Variants in SPMIP2 observed in about 807,000 individuals in gnomAD.
The protein encoded by SPMIP2 is protein SPMIP2.
chr4:158,977,184 T>G, the SPMIP2 span, among the ~76,000 whole-genome samples: 1 of 152,202 alleles, frequency 6.6e-6, no homozygotes, highest in Non-Finnish European at 1.5e-5. Flanking sequence ...CAGCTCCACT[T>G]TGCACCCCCC....
At chr4:159,014,403 A>G in the SPMIP2 span, among the ~76,000 whole-genome samples, 1 of 152,166 alleles carries the variant, frequency 6.6e-6, no homozygotes, top group Non-Finnish European at 1.5e-5. Flanking sequence ...CAGTGAGCTG[A>G]GGTCGCACCA....
the SPMIP2 span, among the ~76,000 whole-genome samples, chr4:158,901,278 G>A: frequency 6.6e-5 from 10 of 152,032 alleles, no homozygotes; most frequent in South Asian, 6.2e-4. Context: ...GATTACAGGC[G>A]TGTGCCACGA....
chr4:158,978,456 G>C, the SPMIP2 span, among the ~76,000 whole-genome samples: 1 of 152,170 alleles, frequency 6.6e-6, no homozygotes, highest in Non-Finnish European at 1.5e-5. Flanking sequence ...CTGAATTCAA[G>C]TCCTGCATAT....
chr4:159,035,059 GTAGTAGATGTTGGCTTTTGGT>G, the SPMIP2 span: 8 of 1,613,162 alleles, frequency 5.0e-6, no homozygotes, highest in Non-Finnish European at 6.8e-6. Flanking sequence ...TTTTCCCACA[GTAGTAGATGTTGGCTTTTGGT>G]ATGATACAGA....
the SPMIP2 span, among the ~76,000 whole-genome samples, chr4:159,003,294 G>A: frequency 6.6e-6 from 1 of 152,058 alleles, no homozygotes; most frequent in Admixed American, 6.6e-5. Context: ...TTTCATAATA[G>A]GCTCATAACC....
chr4:158,971,884 G>C, the SPMIP2 span, among the ~76,000 whole-genome samples: 1 of 152,154 alleles, frequency 6.6e-6, no homozygotes, highest in Non-Finnish European at 1.5e-5. Flanking sequence ...GCAGAACTAG[G>C]ATAGAAATTT....
At chr4:158,977,385 G>A in the SPMIP2 span, among the ~76,000 whole-genome samples, 1 of 152,150 alleles carries the variant, frequency 6.6e-6, no homozygotes, top group Non-Finnish European at 1.5e-5. Flanking sequence ...TTGCATAGAG[G>A]TGTTTACAGT....
At chr4:158,950,207 A>G in the SPMIP2 span, among the ~76,000 whole-genome samples, 10 of 152,248 alleles carry the variant, frequency 6.6e-5, no homozygotes, top group Admixed American at 1.3e-4. Context: ...GAGGCATGTC[A>G]TCATTTCTTT....
chr4:158,985,005 C>T, the SPMIP2 span, among the ~76,000 whole-genome samples: 2 of 151,886 alleles, frequency 1.3e-5, no homozygotes, highest in African/African-American at 2.4e-5. Context: ...CTACAAACAC[C>T]TCTACACAAA....
chr4:159,034,890 C>CA, the SPMIP2 span: 55,410 of 468,724 alleles, frequency 0.12, no homozygotes, highest in South Asian at 0.16. Context: ...GACTCTGTCT[C>CA]AAAAAAAAAA....
the SPMIP2 span, among the ~76,000 whole-genome samples, chr4:158,992,732 G>A: frequency 6.6e-6 from 1 of 152,206 alleles, no homozygotes; most frequent in Non-Finnish European, 1.5e-5. Context: ...TGCATCTTCT[G>A]GAGGGGAGGA....
the SPMIP2 span, among the ~76,000 whole-genome samples, chr4:159,043,442 G>A: frequency 1.3e-5 from 2 of 152,066 alleles, no homozygotes; most frequent in Non-Finnish European, 2.9e-5. Flanking sequence ...TGCCTCCCAG[G>A]GTTCACGCCA....
the SPMIP2 span, among the ~76,000 whole-genome samples, chr4:158,993,020 A>T: frequency 6.6e-6 from 1 of 152,078 alleles, no homozygotes; most frequent in Admixed American, 6.6e-5. Flanking sequence ...CAACCCAAGT[A>T]TGTGTGTTTC....
chr4:158,921,884 CTTTT>C, the SPMIP2 span, among the ~76,000 whole-genome samples: 6 of 91,314 alleles, frequency 6.6e-5, no homozygotes, highest in Admixed American at 1.2e-4. Context: ...CTTCTACATA[CTTTT>C]TTTTTTTTTT....
At chr4:158,921,504 C>T in the SPMIP2 span, among the ~76,000 whole-genome samples, 270 of 152,132 alleles carry the variant, frequency 1.8e-3, no homozygotes, top group African/African-American at 5.9e-3. Context: ...CCTCCCACTT[C>T]GCTCTTTCTC....
the SPMIP2 span, among the ~76,000 whole-genome samples, chr4:158,908,850 C>G: frequency 1.4e-4 from 22 of 152,114 alleles, no homozygotes; most frequent in Non-Finnish European, 4.4e-5. Context: ...CCACAACTGG[C>G]CAATTTTTTG....
At chr4:159,046,840 T>C in the SPMIP2 span, among the ~76,000 whole-genome samples, 1 of 152,246 alleles carries the variant, frequency 6.6e-6, no homozygotes, top group Non-Finnish European at 1.5e-5. Flanking sequence ...CCCAAAGTGC[T>C]GGGATTACAG....
chr4:159,051,553 T>A, the SPMIP2 span, among the ~76,000 whole-genome samples: 27 of 152,388 alleles, frequency 1.8e-4, 1 homozygote, highest in South Asian at 2.3e-3. Context: ...ATACTATGGT[T>A]ATTTCCAAAA....
At chr4:159,039,103 C>T in the SPMIP2 span, among the ~76,000 whole-genome samples, 1 of 152,106 alleles carries the variant, frequency 6.6e-6, no homozygotes, top group Non-Finnish European at 1.5e-5. Context: ...CTTCAGCCTC[C>T]AGAGTAACTG....
Sources: allele counts gnomAD v4.1 joint callset (sites outside exome capture counted in the v4.1 genomes callset), GRCh38; gene constraint gnomAD v4.1.1; transcripts MANE v1.5; gene names NCBI Gene and HGNC (gene_info 2026-07-23, HGNC 2026-07-21).